The following PPP3CA variants were observed in gnomAD, a reference collection of about 807,000 sequenced individuals.
The protein encoded by PPP3CA is CAM-PRP catalytic subunit.
Under a neutral mutation model 66.5 loss-of-function variants are expected in PPP3CA, and 14 were observed. The ratio of observed to expected loss-of-function variants is 0.21; its 90% CI spans 0.14 to 0.33. The LOEUF is 0.33. Ranked by LOEUF, PPP3CA falls within the 10% of genes least tolerant of loss-of-function variation. The pLI, the probability that PPP3CA is intolerant of heterozygous loss-of-function variation, is 1.00. For synonymous variants in PPP3CA, 232 were observed against 226.2 expected (o/e 1.03, Z -0.23); for missense variants, 317 against 639.5 (o/e 0.50, Z 5.44).
At chr4:101,324,150 GAGGGAGGA>G (rs1397016911) in intron 1 of PPP3CA, among the ~76,000 whole-genome samples, 11 of 97,584 alleles carry the variant, frequency 1.1e-4, no homozygotes, top group African/African-American at 1.9e-4. Flanking sequence ...GGAAGGAAGG[GAGGGAGGA>G]AGGAAGGAAG....
At chr4:101,064,668 C>T (rs985679340) in intron 8 of PPP3CA, among the ~76,000 whole-genome samples, 6 of 151,964 alleles carry the variant, frequency 3.9e-5, no homozygotes, top group Admixed American at 6.6e-5. Flanking sequence ...TATCCCCTTT[C>T]GCCCTCTTTA....
intron 10 of PPP3CA, among the ~76,000 whole-genome samples, chr4:101,045,471 G>A (rs1727722035): frequency 6.6e-6 from 1 of 152,158 alleles, no homozygotes; most frequent in Non-Finnish European, 1.5e-5. Context: ...ACTGCTTGCA[G>A]GTACAAGAAA....
intron 2 of PPP3CA, among the ~76,000 whole-genome samples, chr4:101,131,660 T>G (rs555465675): frequency 6.6e-6 from 1 of 152,224 alleles, no homozygotes; most frequent in East Asian, 1.9e-4. Flanking sequence ...AGTGGGAGAC[T>G]TTAACACCCC....
At chr4:101,046,195 G>A (rs986735482) in intron 10 of PPP3CA, among the ~76,000 whole-genome samples, 2 of 151,260 alleles carry the variant, frequency 1.3e-5, no homozygotes, top group Admixed American at 1.3e-4. Context: ...TGTTTTAAAA[G>A]TCTAATCCAA....
chr4:101,057,940 C>T (rs1011674195), intron 10 of PPP3CA, among the ~76,000 whole-genome samples: 4 of 152,112 alleles, frequency 2.6e-5, no homozygotes, highest in Admixed American at 1.3e-4. Context: ...TCATCTCTTT[C>T]TTCCTCCTCC....
rs540937247 is a variant in PPP3CA, at chr4:101,132,280, C to CA, written c.260-23203dup. Among the ~76,000 whole-genome samples, 217 of 151,960 alleles carry CA rather than the reference C, an allele frequency of 1.4e-3. 1 individual carries two copies. The highest frequency in any genetic ancestry group is 4.9e-3 in the African/African-American group (202 of 41,464). ...AGCAGAACCAAAGGACATAGAGACA[C>CA]AAAAAAACCTTCAAAAAAATCAGTG... On this transcript the variant is annotated intron_variant, in intron 2 of 13. Transcript: ENST00000394854.
At chr4:101,113,208 G>T (rs1458423757) in intron 2 of PPP3CA, among the ~76,000 whole-genome samples, 1 of 152,122 alleles carries the variant, frequency 6.6e-6, no homozygotes, top group Non-Finnish European at 1.5e-5. Flanking sequence ...CTCTACATCA[G>T]AACCACTTGG....
chr4:101,114,515 C>T (rs1445600419), intron 2 of PPP3CA, among the ~76,000 whole-genome samples: 2 of 151,978 alleles, frequency 1.3e-5, no homozygotes, highest in African/African-American at 2.4e-5. Context: ...TTCCCTAAGT[C>T]GGGTCACTCA....
At chr4:101,280,021 T>C (rs370464687) in intron 1 of PPP3CA, among the ~76,000 whole-genome samples, 341 of 152,364 alleles carry the variant, frequency 2.2e-3, no homozygotes, top group Middle Eastern at 0.01. Context: ...GTAATGTTCA[T>C]GTAGTCTTTT....
Position 101,219,074 on chromosome 4 carries a change from A to G in PPP3CA, c.59-22958T>C, listed in dbSNP as rs539421549. On this transcript the variant is annotated intron_variant, in intron 1 of 13. Coordinates refer to ENST00000394854, the MANE Select transcript of PPP3CA (RefSeq NM_000944.5). The stretch of plus-strand genomic sequence containing the variant: ...AGCTAGGTGTTATGAAATCAAAGTT[A>G]AAATCTTACTTTGCAGCAGGGCATA... 1.9e-4 allele frequency among the ~76,000 whole-genome samples: 29 copies of G among 152,198 alleles called. No individual in the cohort carries two copies. In the South Asian group the frequency reaches 4.3e-3, roughly 23 times the overall value.
intron 2 of PPP3CA, among the ~76,000 whole-genome samples, chr4:101,112,522 T>G (rs1435138609): frequency 1.3e-5 from 2 of 152,186 alleles, no homozygotes; most frequent in African/African-American, 4.8e-5. Context: ...AAAGACCACC[T>G]ATCATAATGT....
chr4:101,229,198 G>T (rs914344901), intron 1 of PPP3CA, among the ~76,000 whole-genome samples: 1 of 151,202 alleles, frequency 6.6e-6, no homozygotes. Context: ...GTGACAAATT[G>T]AACACGACAA....
At chr4:101,114,320 T>C (rs1289750269) in intron 2 of PPP3CA, among the ~76,000 whole-genome samples, 1 of 152,144 alleles carries the variant, frequency 6.6e-6, no homozygotes, top group African/African-American at 2.4e-5. Flanking sequence ...AACATAAGTT[T>C]ATTTTTCTGG....
intron 2 of PPP3CA, among the ~76,000 whole-genome samples, chr4:101,124,679 AAGAAAGAAAG>A (rs1722144836): frequency 1.3e-5 from 1 of 79,368 alleles, no homozygotes; most frequent in Non-Finnish European, 2.3e-5. Context: ...GAAAGAAAGA[AAGAAAGAAAG>A]AAAGAAAGAA....
chr4:101,074,988 A>G (rs1578422730), intron 8 of PPP3CA, among the ~76,000 whole-genome samples: 1 of 152,334 alleles, frequency 6.6e-6, no homozygotes, highest in East Asian at 1.9e-4. Context: ...TCAAAGGAGA[A>G]GCAAAGGCAT....
chr4:101,106,456 A>G (rs1254287175), intron 3 of PPP3CA, among the ~76,000 whole-genome samples: 3 of 23,930 alleles, frequency 1.3e-4, no homozygotes, highest in African/African-American at 9.4e-4. Flanking sequence ...AAAGAAAGAG[A>G]AAAGAAAAGA....
At chr4:101,242,855 G>T (rs922967979) in intron 1 of PPP3CA, among the ~76,000 whole-genome samples, 2 of 152,132 alleles carry the variant, frequency 1.3e-5, no homozygotes, top group Non-Finnish European at 2.9e-5. Flanking sequence ...TGTAGCCCAG[G>T]AGTTGGAGGC....
At chr4:101,165,011 G>T (rs1047607074) in intron 2 of PPP3CA, among the ~76,000 whole-genome samples, 4 of 151,920 alleles carry the variant, frequency 2.6e-5, no homozygotes, top group African/African-American at 9.7e-5. Context: ...GGGGAGGAGA[G>T]ATTTTGATGA....
At chr4:101,101,205 G>A (rs923963468) in intron 3 of PPP3CA, among the ~76,000 whole-genome samples, 16 of 152,042 alleles carry the variant, frequency 1.1e-4, no homozygotes, top group Non-Finnish European at 1.8e-4. Context: ...CTGTACAAGC[G>A]ATCCTTAAAG....
Sources: gnomAD v4.1 joint callset for allele counts (sites outside exome capture counted in the v4.1 genomes callset) on GRCh38, gnomAD v4.1.1 for gene constraint, MANE v1.5 for transcripts, NCBI Gene and HGNC (gene_info 2026-07-23, HGNC 2026-07-21) for gene names.